Variants in GRIP1 observed in about 807,000 individuals in gnomAD.
GRIP1 encodes the protein glutamate receptor-interacting protein 1.
In GRIP1, 45 loss-of-function variants were observed where a neutral mutation model predicts 129.9. That is an observed-to-expected ratio of 0.35 (90% CI 0.27 to 0.44). The LOEUF (loss-of-function observed/expected upper bound fraction) is 0.44. GRIP1 is among the 20% of genes least tolerant of loss of function. GRIP1 has a pLI of 1.00. For missense variants in GRIP1, 1,196 were observed against 1,396.8 expected, an observed-to-expected ratio of 0.86 and a Z score of 2.29; for synonymous variants, 530 against 520.8, an observed-to-expected ratio of 1.02 and a Z score of -0.24.
At chr12:66,727,453 C>T (rs2036291900) in intron 1 of GRIP1, among the ~76,000 whole-genome samples, 1 of 152,152 alleles carries the variant, frequency 6.6e-6, no homozygotes, top group Admixed American at 6.5e-5. Context: ...TGGGTAGCTG[C>T]TGGTTGCAGA....
In GRIP1 at chr12:66,628,443, A is replaced by G. The variant is rs7969434; in HGVS notation, c.56-31516T>C. On this transcript the variant is annotated intron_variant, in intron 1 of 24. Coordinates refer to ENST00000359742, the MANE Select transcript of GRIP1 (RefSeq NM_001366722.1). ...GGAACCAGCCTTCAGCAGGAAATCTAAACTAGCTTGTTCCTTTTCTCATTT... is the reference window on the plus strand; with the variant it reads ...GGAACCAGCCTTCAGCAGGAAATCTGAACTAGCTTGTTCCTTTTCTCATTT... 7.7e-3 allele frequency among the ~76,000 whole-genome samples: 1,166 copies of G among 152,302 alleles called. 15 individuals carry two copies. The highest frequency in any genetic ancestry group is 0.027 in the African/African-American group (1,119 of 41,564).
At chr12:66,719,937 T>C (rs2036009016) in intron 1 of GRIP1, among the ~76,000 whole-genome samples, 1 of 152,140 alleles carries the variant, frequency 6.6e-6, no homozygotes, top group South Asian at 2.1e-4. Flanking sequence ...TATCACACAA[T>C]GAGTTTGGAG....
At chr12:66,700,427 G>T (rs2870912) in intron 1 of GRIP1, among the ~76,000 whole-genome samples, 119,297 of 150,824 alleles carry the variant, frequency 0.79, 47,578 homozygotes, top group African/African-American at 0.89. Context: ...AGTGCCAGTG[G>T]CAGCTTTTTT....
At chr12:66,724,414 T>C (rs2036187991) in intron 1 of GRIP1, among the ~76,000 whole-genome samples, 1 of 152,222 alleles carries the variant, frequency 6.6e-6, no homozygotes, top group Non-Finnish European at 1.5e-5. Context: ...TTTGGCTAAC[T>C]GAGGCACAGG....
At chr12:66,673,361 T>TA (rs2034172108) in intron 1 of GRIP1, among the ~76,000 whole-genome samples, 1 of 152,156 alleles carries the variant, frequency 6.6e-6, no homozygotes, top group Admixed American at 6.5e-5. Flanking sequence ...CAAAAGTATA[T>TA]AAGTTAATCG....
intron 1 of GRIP1, among the ~76,000 whole-genome samples, chr12:66,844,790 G>A (rs1330829064): frequency 1.3e-5 from 2 of 152,178 alleles, no homozygotes; most frequent in African/African-American, 4.8e-5. Flanking sequence ...TAAGAAGGAA[G>A]AAAACTCTGA....
At chr12:66,875,416 A>G (rs2040366753) in intron 1 of GRIP1, among the ~76,000 whole-genome samples, 1 of 152,046 alleles carries the variant, frequency 6.6e-6, no homozygotes, top group African/African-American at 2.4e-5. Flanking sequence ...ACAGGAAGTG[A>G]CCTGGATGAG....
intron 1 of GRIP1, among the ~76,000 whole-genome samples, chr12:66,869,094 G>A (rs1297394668): frequency 6.6e-6 from 1 of 151,920 alleles, no homozygotes; most frequent in Admixed American, 6.6e-5. Context: ...TTGCAGTTAT[G>A]TATGTACATA....
At chr12:66,478,263 A>C (rs2059686075) in intron 7 of GRIP1, among the ~76,000 whole-genome samples, 1 of 152,268 alleles carries the variant, frequency 6.6e-6, no homozygotes, top group African/African-American at 2.4e-5. Context: ...TGCAGCCAAC[A>C]GACACATGAA....
intron 1 of GRIP1, among the ~76,000 whole-genome samples, chr12:66,602,170 G>A (rs1366214498): frequency 6.6e-6 from 1 of 152,094 alleles, no homozygotes; most frequent in South Asian, 2.1e-4. Context: ...CAGTAACTGG[G>A]TCCTGTGAAC....
chr12:66,630,320 G>A (rs2030620787), intron 1 of GRIP1: 1 of 152,000 alleles, frequency 6.6e-6, no homozygotes, highest in African/African-American at 2.4e-5. Context: ...CTCCAGCCCG[G>A]GCAACAGAGC....
chr12:66,955,700 T>G (rs1394436806), intron 1 of GRIP1, among the ~76,000 whole-genome samples: 2 of 151,966 alleles, frequency 1.3e-5, no homozygotes, highest in Admixed American at 6.5e-5. Context: ...AGAGACAGGG[T>G]TCCTCCATGT....
chr12:66,571,523 T>C (rs1565731), intron 2 of GRIP1, among the ~76,000 whole-genome samples: 16,861 of 152,160 alleles, frequency 0.11, 1,052 homozygotes, highest in Middle Eastern at 0.17. Context: ...AGATTCATCA[T>C]GTAGTCTGAA....
At chr12:67,017,556 C>T (rs1331181790) in intron 1 of GRIP1, among the ~76,000 whole-genome samples, 1 of 151,634 alleles carries the variant, frequency 6.6e-6, no homozygotes, top group Non-Finnish European at 1.5e-5. Context: ...TTTCCTCTTC[C>T]CTATATGTGC....
At chr12:66,588,181 A>T (rs1165456796) in intron 2 of GRIP1, among the ~76,000 whole-genome samples, 1 of 152,158 alleles carries the variant, frequency 6.6e-6, no homozygotes, top group African/African-American at 2.4e-5. Context: ...ATAAGTAGTT[A>T]AAAGCCTTCT....
intron 1 of GRIP1, among the ~76,000 whole-genome samples, chr12:66,873,121 G>A (rs1459970597): frequency 6.6e-6 from 1 of 152,052 alleles, no homozygotes; most frequent in Non-Finnish European, 1.5e-5. Context: ...AATCAGATTT[G>A]TTACTTGGTA....
At chr12:66,410,855 A>G (rs2057375835) in intron 15 of GRIP1, among the ~76,000 whole-genome samples, 1 of 152,238 alleles carries the variant, frequency 6.6e-6, no homozygotes, top group African/African-American at 2.4e-5. Flanking sequence ...AGAACCTTAT[A>G]GACCACCTGC....
chr12:66,507,164 C>A lies in GRIP1; in HGVS notation c.724+8455G>T, dbSNP rs145441827. On this transcript the variant is annotated intron_variant, in intron 7 of 24. Transcript: ENST00000359742. ...AGAAACTGATAAAGTATGGGCCATG[C>A]GTGGTGGCTCACGCCTGTAATCCCA... Among the ~76,000 whole-genome samples, 1,503 of 152,272 alleles carry A rather than the reference C, an allele frequency of 9.9e-3. 22 individuals carry two copies. The highest frequency in any genetic ancestry group is 0.032 in the African/African-American group (1,342 of 41,556).
chr12:66,377,135 T>C lies in GRIP1; in HGVS notation c.2733+39A>G, dbSNP rs754150048. 7 of 1,561,620 alleles carry C rather than the reference T, an allele frequency of 4.5e-6. No homozygotes were observed. The East Asian group carries it at 1.3e-4, about 30-fold the overall frequency. ...ACTTAAAAGGACCAAAAAAAATGAA[T>C]GTAGAAACAATAAAAGTAAGTAGCA... On this transcript the variant is annotated intron_variant, in intron 21 of 24. Transcript: ENST00000359742.
Sources: allele counts gnomAD v4.1 joint callset (sites outside exome capture counted in the v4.1 genomes callset), GRCh38; gene constraint gnomAD v4.1.1; transcripts MANE v1.5; gene names NCBI Gene and HGNC (gene_info 2026-07-23, HGNC 2026-07-21).